Variants in SUPT4H1 observed in about 807,000 individuals in gnomAD.
SUPT4H1 encodes transcription elongation factor SPT4.
SUPT4H1 carries 12 observed loss-of-function variants against 19.4 expected under a neutral mutation model. The observed-to-expected ratio is 0.62, with a 90% CI of 0.40 to 1.00. The LOEUF is 1.00. Among genes scored for constraint, SUPT4H1 ranks in the 50% least tolerant of loss-of-function variants. The pLI is 0.00. For synonymous variants in SUPT4H1, 58 were observed against 56.3 expected, an observed-to-expected ratio of 1.03 and a Z score of -0.14; for missense variants, 115 against 149.2, an observed-to-expected ratio of 0.77 and a Z score of 1.19.
rs1239346043 is a variant in SUPT4H1, at chr17:58,345,921, C to T, written c.*325G>A. Reference sequence around the variant, plus strand: ...GAGGCAAGGCAGGTGTCATGGCCTTCAGAACTTTCTCGAGGTTCATATTTA... The same window carrying T: ...GAGGCAAGGCAGGTGTCATGGCCTTTAGAACTTTCTCGAGGTTCATATTTA... On this transcript the variant is annotated 3_prime_UTR_variant, in exon 5 of 5. Coordinates refer to ENST00000225504, the MANE Select transcript of SUPT4H1 (RefSeq NM_003168.3). 3.6e-5 allele frequency: 9 copies of T among 251,216 alleles called. No homozygotes were observed. The highest frequency in any genetic ancestry group is 1.0e-4 in the Admixed American group (2 of 19,370). The allele number at this position is 251,216 out of a possible 1,614,324, so 15.6% of individuals were successfully genotyped here.
Position 58,352,077 on chromosome 17 carries a change from G to T in SUPT4H1, c.59C>A (p.Ser20Ter). 1 of 1,614,144 alleles carries T rather than the reference G, an allele frequency of 6.2e-7. No individual in the cohort carries two copies. Among genetic ancestry groups the T allele is most frequent in the Non-Finnish European group, 8.5e-7 (1 of 1,180,020 alleles). Residue 20 changes from serine to a stop codon, truncating the protein, a stop_gained, in exon 1 of 5, where the codon TCG (serine) becomes TAG (stop). Coordinates refer to ENST00000225504, the MANE Select transcript of SUPT4H1 (RefSeq NM_003168.3). LOFTEE classifies it high-confidence loss of function. ...GTCCCCGACTGACACCTTGACCAGC[G>T]AACACAGCAAACAGGCCCGCAGATG... ...LRHLRACLLC[S>*]LVKTIDQFEY...
Position 58,346,324 on chromosome 17 carries a change from A to G in SUPT4H1, c.287-11T>C, listed in dbSNP as rs759140853. 6.2e-7 allele frequency: 1 copy of G among 1,613,400 alleles called. No homozygotes were observed. The highest frequency in any genetic ancestry group is 2.2e-5 in the East Asian group (1 of 44,878). Reference sequence around the variant, plus strand: ...GCTCCCGCACGATTCCTGAAGCAGGAAAAGAAACAGTTCTGTGAGGTAAGA... The same window carrying G: ...GCTCCCGCACGATTCCTGAAGCAGGGAAAGAAACAGTTCTGTGAGGTAAGA... On this transcript the variant is annotated splice_polypyrimidine_tract_variant and intron_variant, in intron 4 of 4. Transcript: ENST00000225504.
In SUPT4H1 at chr17:58,345,900, C is replaced by G. The variant is rs763254724; in HGVS notation, c.*346G>C. 22 of 219,020 alleles carry G rather than the reference C, an allele frequency of 1.0e-4. No individual in the cohort carries two copies. Among genetic ancestry groups the G allele is most frequent in the Non-Finnish European group, 1.9e-4 (21 of 107,750 alleles). 13.6% of individuals were successfully genotyped at this position (219,020 alleles called of 1,614,324 possible). On this transcript the variant is annotated 3_prime_UTR_variant, in exon 5 of 5. Coordinates refer to ENST00000225504, the MANE Select transcript of SUPT4H1 (RefSeq NM_003168.3). ...TGCCTAAGAGAATGGAAGAGGGAGG[C>G]AAGGCAGGTGTCATGGCCTTCAGAA... is the stretch of plus-strand genomic sequence containing the variant.
At chr17:58,351,927 CT>C (rs1421369994) in intron 1 of SUPT4H1, 139 bp downstream of exon 1, 2 of 850,212 alleles carry the variant, frequency 2.4e-6, no homozygotes, top group Non-Finnish European at 3.7e-6. Flanking sequence ...AAACGATGGC[CT>C]CCTTCGGCTT....
At chr17:58,348,167 CATT>C (rs991104235) in intron 2 of SUPT4H1, among the ~76,000 whole-genome samples, 3 of 152,196 alleles carry the variant, frequency 2.0e-5, no homozygotes, top group African/African-American at 7.2e-5. Flanking sequence ...TAGCTCTCCT[CATT>C]ATCCTAATAG....
At chr17:58,351,251 CA>C (rs565767343) in intron 2 of SUPT4H1, 150 bp downstream of exon 2, 43,676 of 363,078 alleles carry the variant, frequency 0.12, 23 homozygotes, top group Middle Eastern at 0.17. Context: ...AACCCTGATT[CA>C]AAAAAAAAAA....
At position 58,345,322 on chromosome 17, in the gene SUPT4H1, T is replaced by C. The variant is rs1266580703; in HGVS notation, c.*924A>G. 1 of 152,136 alleles carries C rather than the reference T, an allele frequency of 6.6e-6. No individual in the cohort carries two copies. Among genetic ancestry groups the C allele is most frequent in the Non-Finnish European group, 1.5e-5 (1 of 68,026 alleles). The allele number at this position is 152,136 out of a possible 1,614,324, so 9.4% of individuals were successfully genotyped here. ...AACAAGGAACTTAGGGAAATCAAAA[T>C]GGGGATACGAACAGGATTTCTGTGG... is the stretch of plus-strand genomic sequence containing the variant. On this transcript the variant is annotated 3_prime_UTR_variant, in exon 5 of 5. Transcript: ENST00000225504.
chr17:58,347,557 G>A lies in SUPT4H1; in HGVS notation c.204C>T (p.Asp68=). 1 of 1,614,190 alleles carries A rather than the reference G, an allele frequency of 6.2e-7. No homozygotes were observed. The highest frequency in any genetic ancestry group is 8.5e-7 in the Non-Finnish European group (1 of 1,180,026). ...CTCGCTGCCACTTGGAGACCCAGCT[G>A]TCCTCTGGACTCATCATCGCAATGA... is the stretch of plus-strand genomic sequence containing the variant. ...DGIIAMMSPE[D]SWVSKWQRVS... The change falls in exon 3 of 5, where the codon GAC becomes GAT. Residue 68 remains aspartate (D), a synonymous_variant. Coordinates refer to ENST00000225504, the MANE Select transcript of SUPT4H1 (RefSeq NM_003168.3).
intron 4 of SUPT4H1, among the ~76,000 whole-genome samples, chr17:58,346,580 AG>A (rs1972296383): frequency 3.3e-5 from 5 of 151,984 alleles, no homozygotes; most frequent in Admixed American, 2.0e-4. Context: ...AAAATTAGCC[AG>A]GTGTAGTGGC....
chr17:58,348,826 T>C (rs1357956675), intron 2 of SUPT4H1, among the ~76,000 whole-genome samples: 3 of 152,202 alleles, frequency 2.0e-5, no homozygotes, highest in African/African-American at 7.2e-5. Flanking sequence ...CGATCTTTAA[T>C]TTGCCCACTC....
At chr17:58,347,332 T>G in intron 3 of SUPT4H1, 91 bp from the exon 4 acceptor site, 1 of 1,461,670 alleles carries the variant, frequency 6.8e-7, no homozygotes. Flanking sequence ...GTGATGCAAC[T>G]CCAAGAGAAG....
Position 58,345,246 on chromosome 17 carries a change from A to G in SUPT4H1, c.*1000T>C, listed in dbSNP as rs1228453933. On this transcript the variant is annotated 3_prime_UTR_variant, in exon 5 of 5. Coordinates refer to ENST00000225504, the MANE Select transcript of SUPT4H1 (RefSeq NM_003168.3). Reference sequence around the variant, plus strand: ...ACATAGCTTCGTTTCTACAATCACAACAATCCTGAGGTAAACAGGCAGGGT... The same window carrying G: ...ACATAGCTTCGTTTCTACAATCACAGCAATCCTGAGGTAAACAGGCAGGGT... The G allele has an allele frequency of 8.8e-6, 1 of 114,166 alleles. No individual in the cohort carries two copies. The highest frequency in any genetic ancestry group is 2.6e-4 in the South Asian group (1 of 3,822). 7.1% of individuals were successfully genotyped at this position (114,166 alleles called of 1,614,324 possible). A position where few individuals can be genotyped will look rare whatever the true frequency, so the allele number is the denominator to read the frequency against.
At chr17:58,347,783 C>T (rs2143300911) in intron 2 of SUPT4H1, among the ~76,000 whole-genome samples, 199 bp from the exon 3 acceptor site, 1 of 152,320 alleles carries the variant, frequency 6.6e-6, no homozygotes, top group Middle Eastern at 3.4e-3. Flanking sequence ...GGCCGGCCAG[C>T]CACAGGTCAG....
intron 2 of SUPT4H1, among the ~76,000 whole-genome samples, chr17:58,350,510 CAAATAAAT>C (rs71143243): frequency 3.4e-5 from 5 of 146,824 alleles, no homozygotes; most frequent in South Asian, 2.2e-4. Context: ...GACTCCATCT[CAAATAAAT>C]AAATAAATAA....
At chr17:58,350,093 G>A (rs1972439839) in intron 2 of SUPT4H1, among the ~76,000 whole-genome samples, 1 of 152,106 alleles carries the variant, frequency 6.6e-6, no homozygotes, top group Non-Finnish European at 1.5e-5. Flanking sequence ...GACCAGCCTG[G>A]CCAGCATGGC....
intron 2 of SUPT4H1, among the ~76,000 whole-genome samples, chr17:58,350,356 AC>A (rs1972453206): frequency 6.6e-6 from 1 of 151,780 alleles, no homozygotes; most frequent in African/African-American, 2.4e-5. Context: ...TACTAAAAAT[AC>A]AAAAATTAGC....
rs775080387 is a variant in SUPT4H1 at position 58,347,577 on chromosome 17, C to T, written c.184G>A (p.Ala62Thr). ...CAGCTGTCCTCTGGACTCATCATCGCAATGATTCTAGGGAGGGAAAAGAAA... is the reference window on the plus strand; with the variant it reads ...CAGCTGTCCTCTGGACTCATCATCGTAATGATTCTAGGGAGGGAAAAGAAA... ...CTSSSFDGII[A>T]MMSPEDSWVS... is the part of the protein sequence containing the mutation. The change falls in exon 3 of 5, where the codon GCG becomes ACG. Residue 62 changes from alanine (A) to threonine (T), a missense_variant. Transcript: ENST00000225504. 1.2e-6 allele frequency: 2 copies of T among 1,614,198 alleles called. No homozygotes were observed. The highest frequency in any genetic ancestry group is 2.2e-5 in the South Asian group (2 of 91,082).
chr17:58,351,430 A>G lies in SUPT4H1; in HGVS notation c.148T>C (p.Tyr50His). The G allele has an allele frequency of 1.9e-6, 3 of 1,613,922 alleles. No individual in the cohort carries two copies. Among genetic ancestry groups the G allele is most frequent in the East Asian group, 2.2e-5 (1 of 44,888 alleles). Residue 50 changes from tyrosine to histidine, a missense_variant, in exon 2 of 5, where the codon TAT (tyrosine) becomes CAT (histidine). Transcript: ENST00000225504. ...TCAAAGGAAGAGCTAGTGCAGTCAT[A>G]TACCATCTCTCGGTTACCCTTCATT... ...LQMKGNREMV[Y>H]DCTSSSFDGI...
At position 58,347,523 on chromosome 17, in the gene SUPT4H1, A is replaced by C. The variant is rs1972337262; in HGVS notation, c.232+6T>G. The stretch of plus-strand genomic sequence containing the variant: ...CTAAGCCAAAAGGAGACAGGCCAAC[A>C]CTTACTGACTCGCTGCCACTTGGAG... On this transcript the variant is annotated splice_donor_region_variant and intron_variant, in intron 3 of 4. Coordinates refer to ENST00000225504, the MANE Select transcript of SUPT4H1 (RefSeq NM_003168.3). 4 of 1,614,146 alleles carry C rather than the reference A, an allele frequency of 2.5e-6. No individual in the cohort carries two copies. In the East Asian group the frequency reaches 8.9e-5, roughly 36 times the overall value.
Sources: allele counts gnomAD v4.1 joint callset (sites outside exome capture counted in the v4.1 genomes callset), GRCh38; gene constraint gnomAD v4.1.1; transcripts MANE v1.5; gene names NCBI Gene and HGNC (gene_info 2026-07-23, HGNC 2026-07-21).